MAGI1: variants seen among roughly 807,000 people sequenced by gnomAD.
The protein encoded by MAGI1 is membrane associated guanylate kinase, WW and PDZ domain containing 1.
A neutral mutation model predicts 139.9 loss-of-function variants in MAGI1; 58 were observed. That is an observed-to-expected ratio of 0.41 (90% confidence interval 0.34 to 0.52). The LOEUF (loss-of-function observed/expected upper bound fraction) is 0.52. Among genes scored for constraint, MAGI1 ranks in the 20% least tolerant of loss-of-function variants. MAGI1 has a pLI of 0.12. For synonymous variants in MAGI1, 812 were observed against 737.9 expected (o/e 1.10, Z -1.63); for missense variants, 1,874 against 1,901.6 (o/e 0.99, Z 0.27).
At chr3:65,976,445 C>A (rs4688620) in intron 1 of MAGI1, among the ~76,000 whole-genome samples, 124,992 of 151,992 alleles carry the variant, frequency 0.82, 51,614 homozygotes, top group Admixed American at 0.89. Context: ...GCCTGGCCAA[C>A]ATGGCAAAAT....
chr3:65,876,807 A>C lies in MAGI1; in HGVS notation c.313+161189T>G, dbSNP rs189836398. Among the ~76,000 whole-genome samples the C allele has an allele frequency of 6.7e-3, 985 of 147,572 alleles. 12 individuals are homozygous for C. Among genetic ancestry groups the C allele is most frequent in the South Asian group, 0.048 (224 of 4,672 alleles). ...CGCCCAGGATGGAGTGCAGTGGCCC[A>C]ATCTCAGCTCACTGCAAGCTCCGCT... On this transcript the variant is annotated intron_variant, in intron 1 of 22. Coordinates refer to ENST00000402939, the MANE Select transcript of MAGI1 (RefSeq NM_001033057.2).
chr3:65,427,086 G>T (rs763446182), intron 12 of MAGI1, among the ~76,000 whole-genome samples: 20 of 152,310 alleles, frequency 1.3e-4, no homozygotes, highest in Non-Finnish European at 2.9e-4. Flanking sequence ...GGCCGAGGCA[G>T]GTGGATCCCT....
intron 14 of MAGI1, among the ~76,000 whole-genome samples, chr3:65,385,234 A>T (rs1437286369): frequency 6.6e-6 from 1 of 151,944 alleles, no homozygotes; most frequent in Non-Finnish European, 1.5e-5. Flanking sequence ...TCTATACACC[A>T]CTCTGTTACT....
intron 1 of MAGI1, among the ~76,000 whole-genome samples, chr3:65,841,993 C>T (rs34404875): frequency 0.51 from 76,784 of 152,038 alleles, 20,108 homozygotes; most frequent in East Asian, 0.77. Flanking sequence ...ATCTTACTAA[C>T]AAAATATCTA....
chr3:65,424,183 G>A (rs1001465101), intron 12 of MAGI1, among the ~76,000 whole-genome samples: 3 of 152,124 alleles, frequency 2.0e-5, no homozygotes, highest in Middle Eastern at 3.2e-3. Context: ...AAGTACTCAG[G>A]AAATGACAGT....
At chr3:65,754,225 C>T (rs1376144226) in intron 1 of MAGI1, among the ~76,000 whole-genome samples, 1 of 151,938 alleles carries the variant, frequency 6.6e-6, no homozygotes, top group Admixed American at 6.6e-5. Flanking sequence ...TTTTGATTAC[C>T]GCAACAAAGA....
At chr3:65,792,105 T>C (rs971996426) in intron 1 of MAGI1, among the ~76,000 whole-genome samples, 10 of 152,196 alleles carry the variant, frequency 6.6e-5, no homozygotes, top group Non-Finnish European at 1.0e-4. Flanking sequence ...TTAATAACAA[T>C]AGCTAATCAT....
At chr3:65,425,135 A>AAAAAAAAC (rs1946941920) in intron 12 of MAGI1, among the ~76,000 whole-genome samples, 7 of 87,724 alleles carry the variant, frequency 8.0e-5, no homozygotes, top group Admixed American at 1.6e-4. Flanking sequence ...AAAAAAAACA[A>AAAAAAAAC]AAAAAAACAC....
rs556921349 is a variant in MAGI1 at position 65,382,108 on chromosome 3, C to T, written c.2509-39G>A. The stretch of plus-strand genomic sequence containing the variant: ...GAACGATGGATGAAACATTGCTCTC[C>T]TATGTTTACTGTTACATCAATAGCC... On this transcript the variant is annotated intron_variant, in intron 15 of 22. Transcript: ENST00000402939. 23 of 1,488,900 alleles carry T rather than the reference C, an allele frequency of 1.5e-5. 1 individual carries two copies. The South Asian group carries it at 2.7e-4, about 17-fold the overall frequency. 92.2% of individuals were successfully genotyped at this position (1,488,900 alleles called of 1,614,324 possible).
intron 1 of MAGI1, among the ~76,000 whole-genome samples, chr3:65,944,285 G>GC (rs2106872301): frequency 6.6e-6 from 1 of 152,264 alleles, no homozygotes; most frequent in East Asian, 1.9e-4. Flanking sequence ...GAAGGCAGAG[G>GC]CAGGACAGCT....
At chr3:65,427,056 G>A (rs1006336704) in intron 12 of MAGI1, among the ~76,000 whole-genome samples, 1 of 152,222 alleles carries the variant, frequency 6.6e-6, no homozygotes, top group Non-Finnish European at 1.5e-5. Flanking sequence ...GCTCATGCCT[G>A]TAATCCTAGC....
chr3:65,799,541 T>C (rs1037400271), intron 1 of MAGI1, among the ~76,000 whole-genome samples: 2 of 152,230 alleles, frequency 1.3e-5, no homozygotes, highest in Admixed American at 1.3e-4. Flanking sequence ...GTTGATCTCA[T>C]TACTGTGCCT....
intron 1 of MAGI1, among the ~76,000 whole-genome samples, chr3:66,028,593 C>G (rs963512549): frequency 5.3e-5 from 8 of 152,050 alleles, no homozygotes; most frequent in African/African-American, 1.9e-4. Context: ...ACCACAGAGT[C>G]CCATTCTCAA....
chr3:65,901,361 G>C (rs2061225541), intron 1 of MAGI1, among the ~76,000 whole-genome samples: 1 of 152,146 alleles, frequency 6.6e-6, no homozygotes, highest in African/African-American at 2.4e-5. Flanking sequence ...TCGGTGGAAG[G>C]GTGAGAGTCA....
chr3:65,918,084 AT>A (rs2061993078), intron 1 of MAGI1, among the ~76,000 whole-genome samples: 2 of 152,196 alleles, frequency 1.3e-5, no homozygotes, highest in Non-Finnish European at 2.9e-5. Context: ...GAATCTAAAA[AT>A]GCTCTAACGA....
chr3:65,388,665 T>C (rs1943643664), intron 14 of MAGI1, among the ~76,000 whole-genome samples: 2 of 152,042 alleles, frequency 1.3e-5, no homozygotes, highest in African/African-American at 4.8e-5. Context: ...CCTCATTTAG[T>C]AGTGAGGAAG....
intron 1 of MAGI1, among the ~76,000 whole-genome samples, chr3:66,001,587 A>G (rs1342153996): frequency 6.6e-6 from 1 of 152,184 alleles, no homozygotes; most frequent in Admixed American, 6.5e-5. Context: ...TACAGGGGGA[A>G]ACTGAGGCTC....
chr3:65,853,997 A>G (rs993994808), intron 1 of MAGI1, among the ~76,000 whole-genome samples: 2 of 152,044 alleles, frequency 1.3e-5, no homozygotes, highest in African/African-American at 2.4e-5. Flanking sequence ...AGCCCCAGCT[A>G]CTCAGCAGGC....
At chr3:65,476,305 G>T (rs1298328477) in intron 4 of MAGI1, among the ~76,000 whole-genome samples, 1 of 152,130 alleles carries the variant, frequency 6.6e-6, no homozygotes, top group Non-Finnish European at 1.5e-5. Context: ...TTTTTCCTCA[G>T]TGCACCCTAT....
Sources: allele counts gnomAD v4.1 joint callset (sites outside exome capture counted in the v4.1 genomes callset), GRCh38; gene constraint gnomAD v4.1.1; transcripts MANE v1.5; gene names NCBI Gene and HGNC (gene_info 2026-07-23, HGNC 2026-07-21).